Variants in RBM8A observed in about 807,000 individuals in gnomAD.
RBM8A encodes the protein RNA binding motif protein 8A, also known as RNA-binding protein 8A.
Under a neutral mutation model 25.1 loss-of-function variants are expected in RBM8A, and 8 were observed. The ratio of observed to expected loss-of-function variants is 0.32; its 90% CI spans 0.19 to 0.58. The LOEUF (loss-of-function observed/expected upper bound fraction) is 0.58, where lower values mean the gene tolerates loss of function less well. Ranked by LOEUF, RBM8A falls within the 20% of genes least tolerant of loss-of-function variation. The pLI, the probability that RBM8A is intolerant of heterozygous loss-of-function variation, is 0.88. For synonymous variants in RBM8A, 66 were observed against 80.0 expected (o/e 0.82, Z 0.94); for missense variants, 114 against 236.8 (o/e 0.48, Z 3.40).
chr1:145,926,799 T>A lies in RBM8A; in HGVS notation c.205+10A>T. 1 of 1,614,196 alleles carries A rather than the reference T, an allele frequency of 6.2e-7. No individual in the cohort carries two copies. Among genetic ancestry groups the A allele is most frequent in the African/African-American group, 1.3e-5 (1 of 75,044 alleles). ...GACACGGATACCTCACAGGTTCCAT[T>A]ATTACTCACAGCGTTGTGGTCCGGG... is the stretch of plus-strand genomic sequence containing the variant. On this transcript the variant is annotated intron_variant, in intron 3 of 5. Coordinates refer to ENST00000583313, the MANE Select transcript of RBM8A (RefSeq NM_005105.5).
In RBM8A at chr1:145,924,360, G is replaced by A. The variant is rs1420525326; in HGVS notation, c.*1522C>T. 1.4e-5 allele frequency: 7 copies of A among 489,204 alleles called. No individual in the cohort carries two copies. The highest frequency in any genetic ancestry group is 9.3e-5 in the South Asian group (6 of 64,644). 30.3% of individuals were successfully genotyped at this position (489,204 alleles called of 1,614,324 possible). A position where few individuals can be genotyped will look rare whatever the true frequency, so the allele number is the denominator to read the frequency against. ...TCCAGGCCCCAGACAAGGAAGGGGA[G>A]CCATGGTGAGACTCCAATTCCCAGG... On this transcript the variant is annotated 3_prime_UTR_variant, in exon 6 of 6. Transcript: ENST00000583313.
rs1200515490 is a variant in RBM8A, at chr1:145,922,520, CCTTT to C, written c.*3358_*3361del. ...TGATGCAATGGGAAATGAATTTCAT[CCTTT>C]CTTACAGCCTGACAATCTGACAATA... On this transcript the variant is annotated 3_prime_UTR_variant, in exon 6 of 6. Coordinates refer to ENST00000583313, the MANE Select transcript of RBM8A (RefSeq NM_005105.5). 6.6e-6 allele frequency: 1 copy of C among 152,160 alleles called. No homozygotes were observed. The highest frequency in any genetic ancestry group is 1.5e-5 in the Non-Finnish European group (1 of 68,034). 9.4% of individuals were successfully genotyped at this position (152,160 alleles called of 1,614,324 possible).
At position 145,922,878 on chromosome 1, in the gene RBM8A, C is replaced by G. The variant is rs1300267619; in HGVS notation, c.*3004G>C. 1 of 150,912 alleles carries G rather than the reference C, an allele frequency of 6.6e-6. No homozygotes were observed. Among genetic ancestry groups the G allele is most frequent in the Non-Finnish European group, 1.5e-5 (1 of 67,810 alleles). 9.3% of individuals were successfully genotyped at this position (150,912 alleles called of 1,614,324 possible). ...CAATAAAACAGGATAAAGGAAAGAT[C>G]AAAACAAGGCTGTGGACCAAACTAT... On this transcript the variant is annotated 3_prime_UTR_variant, in exon 6 of 6. Transcript: ENST00000583313.
In RBM8A at chr1:145,924,321, T is replaced by C. The variant is rs587687490; in HGVS notation, c.*1561A>G. On this transcript the variant is annotated 3_prime_UTR_variant, in exon 6 of 6. Transcript: ENST00000583313. ...GCCATGGCCATCTGCTATAGCCGCA[T>C]TGTCCTCAGTGTGTCCAGGCCCCAG... 5.8e-6 allele frequency: 3 copies of C among 513,410 alleles called. No homozygotes were observed. The highest frequency in any genetic ancestry group is 2.3e-5 in the Admixed American group (1 of 43,742). The allele number at this position is 513,410 out of a possible 1,614,324, so 31.8% of individuals were successfully genotyped here. A position where few individuals can be genotyped will look rare whatever the true frequency, so the allele number is the denominator to read the frequency against.
intron 4 of RBM8A, 34 bp downstream of exon 4, chr1:145,926,448 A>G: frequency 1.9e-6 from 3 of 1,610,532 alleles, no homozygotes; most frequent in Non-Finnish European, 2.5e-6. Flanking sequence ...AGGCTTATGA[A>G]AGAAAGGAGG....
In RBM8A at chr1:145,924,379, T is replaced by G. The variant is rs1387011082; in HGVS notation, c.*1503A>C. 2.1e-6 allele frequency: 1 copy of G among 481,858 alleles called. No homozygotes were observed. Among genetic ancestry groups the G allele is most frequent in the Non-Finnish European group, 4.2e-6 (1 of 235,614 alleles). The allele number at this position is 481,858 out of a possible 1,614,324, so 29.8% of individuals were successfully genotyped here. A position where few individuals can be genotyped will look rare whatever the true frequency, so the allele number is the denominator to read the frequency against. ...AGGGGAGCCATGGTGAGACTCCAATTCCCAGGCCTTAATCCTTAACCCTAG... is the reference window on the plus strand; with the variant it reads ...AGGGGAGCCATGGTGAGACTCCAATGCCCAGGCCTTAATCCTTAACCCTAG... On this transcript the variant is annotated 3_prime_UTR_variant, in exon 6 of 6. Coordinates refer to ENST00000583313, the MANE Select transcript of RBM8A (RefSeq NM_005105.5).
At position 145,923,749 on chromosome 1, in the gene RBM8A, A is replaced by C; in HGVS notation, c.*2133T>G. 1 of 511,268 alleles carries C rather than the reference A, an allele frequency of 2.0e-6. No individual in the cohort carries two copies. Among genetic ancestry groups the C allele is most frequent in the African/African-American group, 1.9e-5 (1 of 53,198 alleles). 31.7% of individuals were successfully genotyped at this position (511,268 alleles called of 1,614,324 possible). Reference sequence around the variant, plus strand: ...CTAAAGGTCACTTCAGAGTCCCTGCAAAATGGCCTGGAATTTTGGCAGCAC... The same window carrying C: ...CTAAAGGTCACTTCAGAGTCCCTGCCAAATGGCCTGGAATTTTGGCAGCAC... On this transcript the variant is annotated 3_prime_UTR_variant, in exon 6 of 6. Transcript: ENST00000583313.
rs1553756230 is a variant in RBM8A at position 145,927,464 on chromosome 1, C to T, written c.-38G>A. On this transcript the variant is annotated 5_prime_UTR_variant, in exon 1 of 6. Transcript: ENST00000583313. ...CGAGATCTCGTCTGTGCCGCTCAGA[C>T]ACTAGGTACCTCGGGAAACTGTCGC... 10 of 1,594,228 alleles carry T rather than the reference C, an allele frequency of 6.3e-6. No individual in the cohort carries two copies. Among genetic ancestry groups the T allele is most frequent in the Non-Finnish European group, 8.6e-6 (10 of 1,169,308 alleles).
At chr1:145,926,727 A>G in intron 3 of RBM8A, 82 bp downstream of exon 3, 1 of 1,613,728 alleles carries the variant, frequency 6.2e-7, no homozygotes, top group Non-Finnish European at 8.5e-7. Flanking sequence ...CTCTGAACCC[A>G]TTCCTACTGC....
chr1:145,921,845 A>G lies in RBM8A; in HGVS notation c.*4037T>C, dbSNP rs1185896931. On this transcript the variant is annotated 3_prime_UTR_variant, in exon 6 of 6. Coordinates refer to ENST00000583313, the MANE Select transcript of RBM8A (RefSeq NM_005105.5). ...TCTAGGATTTATCTCTGGAATGACA[A>G]TGCATTATACTGATTTAAGATTTGA... 1 of 152,672 alleles carries G rather than the reference A, an allele frequency of 6.5e-6. No individual in the cohort carries two copies. Among genetic ancestry groups the G allele is most frequent in the Non-Finnish European group, 1.5e-5 (1 of 68,164 alleles). The allele number at this position is 152,672 out of a possible 1,614,324, so 9.5% of individuals were successfully genotyped here. A position where few individuals can be genotyped will look rare whatever the true frequency, so the allele number is the denominator to read the frequency against.
Position 145,927,342 on chromosome 1 carries a change from C to T in RBM8A, c.67+18G>A, listed in dbSNP as rs1553756169. On this transcript the variant is annotated intron_variant, in intron 1 of 5. Coordinates refer to ENST00000583313, the MANE Select transcript of RBM8A (RefSeq NM_005105.5). ...CGCACCTTCCCCGCTTCCCACCAGC[C>T]GTCTCCACTGTCCTCACCGTCCCCA... 8 of 1,609,754 alleles carry T rather than the reference C, an allele frequency of 5.0e-6. No individual in the cohort carries two copies. In the South Asian group the frequency reaches 8.9e-5, roughly 18 times the overall value.
rs1647880590 is a variant in RBM8A at position 145,922,989 on chromosome 1, T to G, written c.*2893A>C. 2 of 151,830 alleles carry G rather than the reference T, an allele frequency of 1.3e-5. No homozygotes were observed. The highest frequency in any genetic ancestry group is 4.8e-5 in the African/African-American group (2 of 41,414). 9.4% of individuals were successfully genotyped at this position (151,830 alleles called of 1,614,324 possible). On this transcript the variant is annotated 3_prime_UTR_variant, in exon 6 of 6. Transcript: ENST00000583313. The stretch of plus-strand genomic sequence containing the variant: ...CAGGCTGGAGTGCAATGGCGCAATC[T>G]CTGCTCACTGCAAGCTCCGCCTCCT...
chr1:145,926,460 A>G lies in RBM8A; in HGVS notation c.342+22T>C, dbSNP rs1305916629. On this transcript the variant is annotated intron_variant, in intron 4 of 5. Transcript: ENST00000583313. ...CTAAGGCTTATGAAAGAAAGGAGGC[A>G]ATAAAGTGTCACTTAGGATACCTTC... 3 of 1,612,784 alleles carry G rather than the reference A, an allele frequency of 1.9e-6. No homozygotes were observed. In the Admixed American group the frequency reaches 5.0e-5, roughly 27 times the overall value.
Position 145,921,860 on chromosome 1 carries a change from T to G in RBM8A, c.*4022A>C, listed in dbSNP as rs1647800953. On this transcript the variant is annotated 3_prime_UTR_variant, in exon 6 of 6. Coordinates refer to ENST00000583313, the MANE Select transcript of RBM8A (RefSeq NM_005105.5). ...TGGAATGACAATGCATTATACTGAT[T>G]TAAGATTTGATCCTTACTTACATCC... The G allele has an allele frequency of 6.6e-6, 1 of 152,324 alleles. No individual in the cohort carries two copies. Among genetic ancestry groups the G allele is most frequent in the African/African-American group, 2.4e-5 (1 of 41,452 alleles). 9.4% of individuals were successfully genotyped at this position (152,324 alleles called of 1,614,324 possible). A position where few individuals can be genotyped will look rare whatever the true frequency, so the allele number is the denominator to read the frequency against.
rs1553755201 is a variant in RBM8A at position 145,923,123 on chromosome 1, G to GT, written c.*2758dup. The GT allele has an allele frequency of 6.6e-6, 1 of 151,988 alleles. No homozygotes were observed. The highest frequency in any genetic ancestry group is 2.4e-5 in the African/African-American group (1 of 41,338). 9.4% of individuals were successfully genotyped at this position (151,988 alleles called of 1,614,324 possible). Reference sequence around the variant, plus strand: ...TTTTTGTATCTTTAGTACAGACAGGGTTTCACTGTGTTAGCCAGGATGGTC... The same window carrying GT: ...TTTTTGTATCTTTAGTACAGACAGGGTTTTCACTGTGTTAGCCAGGATGGTC... On this transcript the variant is annotated 3_prime_UTR_variant, in exon 6 of 6. Transcript: ENST00000583313.
intron 1 of RBM8A, 67 bp from the exon 2 acceptor site, chr1:145,927,144 A>T: frequency 1.3e-6 from 2 of 1,584,774 alleles, no homozygotes; most frequent in South Asian, 2.2e-5. Context: ...TCTCTTTCCC[A>T]ATACACTACC....
At position 145,925,881 on chromosome 1, in the gene RBM8A, G is replaced by A. The variant is rs1553755759; in HGVS notation, c.*1C>T. On this transcript the variant is annotated 3_prime_UTR_variant, in exon 6 of 6. Transcript: ENST00000583313. The stretch of plus-strand genomic sequence containing the variant: ...AGAACACCTGGACAACAGAGGACCT[G>A]TCAGCGACGTCTCCGGTCTGGACTT... 7.4e-6 allele frequency: 12 copies of A among 1,613,486 alleles called. No homozygotes were observed. Among genetic ancestry groups the A allele is most frequent in the East Asian group, 4.5e-5 (2 of 44,892 alleles).
At position 145,924,804 on chromosome 1, in the gene RBM8A, T is replaced by C. The variant is rs1559230385; in HGVS notation, c.*1078A>G. 2.8e-6 allele frequency: 1 copy of C among 353,002 alleles called. No homozygotes were observed. Among genetic ancestry groups the C allele is most frequent in the Non-Finnish European group, 5.7e-6 (1 of 176,228 alleles). 21.9% of individuals were successfully genotyped at this position (353,002 alleles called of 1,614,324 possible). A position where few individuals can be genotyped will look rare whatever the true frequency, so the allele number is the denominator to read the frequency against. ...AGTGTCTGAATTACAGTATATTTTCTAAATTCCTAGCCCCTGCTGGTGAAT... is the reference window on the plus strand; with the variant it reads ...AGTGTCTGAATTACAGTATATTTTCCAAATTCCTAGCCCCTGCTGGTGAAT... On this transcript the variant is annotated 3_prime_UTR_variant, in exon 6 of 6. Coordinates refer to ENST00000583313, the MANE Select transcript of RBM8A (RefSeq NM_005105.5).
In RBM8A at chr1:145,925,901, G is replaced by A. The variant is rs1553755761; in HGVS notation, c.506C>T (p.Pro169Leu). The change falls in exon 6 of 6, where the codon CCA becomes CTA. Residue 169 changes from proline (P) to leucine (L), a missense_variant. Pro to Leu is a moderately conservative substitution (Grantham distance 98, BLOSUM62 -3). Transcript: ENST00000583313. Reference sequence around the variant, plus strand: ...GACCTGTCAGCGACGTCTCCGGTCTGGACTTCTGCTGCGTCTTCGGCCACC... The same window carrying A: ...GACCTGTCAGCGACGTCTCCGGTCTAGACTTCTGCTGCGTCTTCGGCCACC... ...RRGGRRRSRSPDRRRR is the reference protein window; with the variant it reads ...RRGGRRRSRSLDRRRR The A allele has an allele frequency of 2.5e-6, 4 of 1,614,062 alleles. No homozygotes were observed. Among genetic ancestry groups the A allele is most frequent in the South Asian group, 1.1e-5 (1 of 91,070 alleles).
Sources: allele counts gnomAD v4.1 joint callset, GRCh38; gene constraint gnomAD v4.1.1; transcripts MANE v1.5; gene names NCBI Gene and HGNC (gene_info 2026-07-23, HGNC 2026-07-21).